Variants in LRCH4 observed in about 807,000 individuals in gnomAD.
LRCH4 encodes the protein leucine rich repeats and calponin homology domain containing 4.
A neutral mutation model predicts 81.2 loss-of-function variants in LRCH4; 56 were observed. The observed-to-expected ratio is 0.69, with a 90% CI of 0.56 to 0.86. LRCH4 has a LOEUF of 0.86. LRCH4 is among the 40% of genes least tolerant of loss of function. LRCH4 has a pLI of 0.00. For synonymous variants in LRCH4, 442 were observed against 409.7 expected (o/e 1.08, Z -0.95); for missense variants, 895 against 922.8 (o/e 0.97, Z 0.39).
rs763252413 is a variant in LRCH4, at chr7:100,577,020, A to G, written c.1365-15T>C. 1 of 1,613,666 alleles carries G rather than the reference A, an allele frequency of 6.2e-7. No individual in the cohort carries two copies. The highest frequency in any genetic ancestry group is 1.3e-5 in the African/African-American group (1 of 74,912). The stretch of plus-strand genomic sequence containing the variant: ...TAGGCGAGCCGCTGAGGAGAGACAG[A>G]AGGGAATTAGAGGGATGATGGTCAT... On this transcript the variant is annotated splice_polypyrimidine_tract_variant and intron_variant, in intron 12 of 17. Transcript: ENST00000310300. The surrounding 1 kb of genome is among the most constrained non-coding windows in gnomAD (Gnocchi z 6.7).
intron 4 of LRCH4, among the ~76,000 whole-genome samples, chr7:100,581,481 G>T (rs1037553101): frequency 6.6e-6 from 1 of 152,144 alleles, no homozygotes; most frequent in Non-Finnish European, 1.5e-5. Flanking sequence ...GATCATGAGG[G>T]TGGAGCCCTC....
Position 100,575,413 on chromosome 7 carries a change from C to T in LRCH4, c.1855-109G>A, listed in dbSNP as rs756240848. On this transcript the variant is annotated intron_variant, in intron 17 of 17. Coordinates refer to ENST00000310300, the MANE Select transcript of LRCH4 (RefSeq NM_002319.5). This position sits in a 1 kb window ranked among gnomAD's most constrained non-coding sequence, Gnocchi z 5.3. ...CACGTGCTGGGGCCAGAACCACGCC[C>T]ACATGCTGACGTGCTGGGCAGGGGG... The T allele has an allele frequency of 2.4e-5, 25 of 1,052,452 alleles. No individual in the cohort carries two copies. Among genetic ancestry groups the T allele is most frequent in the Non-Finnish European group, 7.0e-6 (5 of 713,372 alleles). 65.2% of individuals were successfully genotyped at this position (1,052,452 alleles called of 1,614,324 possible). A position where few individuals can be genotyped will look rare whatever the true frequency, so the allele number is the denominator to read the frequency against.
At chr7:100,576,572 G>T in intron 14 of LRCH4, 122 bp downstream of exon 14, 1 of 889,886 alleles carries the variant, frequency 1.1e-6, no homozygotes, top group Non-Finnish European at 1.7e-6. Flanking sequence ...CTTGCTTGTG[G>T]GATTTTCAAC....
rs963815486 is a variant in LRCH4, at chr7:100,583,889, C to T, written c.221-1430G>A. On this transcript the variant is annotated intron_variant, in intron 1 of 17. Transcript: ENST00000310300. The surrounding 1 kb of genome is among the most constrained non-coding windows in gnomAD (Gnocchi z 4.3). ...AGAGTTCTGATGGGGTAGGCGGTGG[C>T]GGGGACAAAAGCTAGGAGCGGAAGG... 6.8e-6 allele frequency: 2 copies of T among 292,698 alleles called. No individual in the cohort carries two copies. Among genetic ancestry groups the T allele is most frequent in the South Asian group, 5.7e-5 (2 of 34,936 alleles). 18.1% of individuals were successfully genotyped at this position (292,698 alleles called of 1,614,324 possible).
Position 100,582,528 on chromosome 7 carries a change from A to G in LRCH4, c.221-69T>C. 6.6e-7 allele frequency: 1 copy of G among 1,509,152 alleles called. No individual in the cohort carries two copies. The highest frequency in any genetic ancestry group is 8.9e-7 in the Non-Finnish European group (1 of 1,118,604). The allele number at this position is 1,509,152 out of a possible 1,614,324, so 93.5% of individuals were successfully genotyped here. On this transcript the variant is annotated intron_variant, in intron 1 of 17. Transcript: ENST00000310300. The surrounding 1 kb of genome is among the most constrained non-coding windows in gnomAD (Gnocchi z 5.0). ...CCCGGACAGGACCTTCAGTCCCCCC[A>G]GAGCCGGCTGCCCACTCCCTCACCT...
Position 100,576,016 on chromosome 7 carries a change from T to C in LRCH4, c.1639-8A>G, listed in dbSNP as rs778925170. 3.1e-6 allele frequency: 5 copies of C among 1,600,578 alleles called. 1 individual carries two copies. In the South Asian group the frequency reaches 3.3e-5, roughly 11 times the overall value. ...CAGCCGGGACTCAAGGACCTGGCAG[T>C]GTAGACCACATAGAGCAGGGGTCAG... On this transcript the variant is annotated splice_polypyrimidine_tract_variant and splice_region_variant and intron_variant, in intron 15 of 17. Coordinates refer to ENST00000310300, the MANE Select transcript of LRCH4 (RefSeq NM_002319.5).
chr7:100,581,896 G>A lies in LRCH4; in HGVS notation c.493-14C>T, dbSNP rs368553456. Reference sequence around the variant, plus strand: ...GCTGCTCACGTCCTGGTATCAGGAAGGCAGTGGGAAGGGGCCATGAGACCA... The same window carrying A: ...GCTGCTCACGTCCTGGTATCAGGAAAGCAGTGGGAAGGGGCCATGAGACCA... On this transcript the variant is annotated splice_polypyrimidine_tract_variant and intron_variant, in intron 3 of 17. Coordinates refer to ENST00000310300, the MANE Select transcript of LRCH4 (RefSeq NM_002319.5). 6 of 1,613,720 alleles carry A rather than the reference G, an allele frequency of 3.7e-6. No individual in the cohort carries two copies. Among genetic ancestry groups the A allele is most frequent in the African/African-American group, 1.3e-5 (1 of 74,920 alleles).
rs560798726 is a variant in LRCH4 at position 100,585,808 on chromosome 7, G to A, written c.220+73C>T. ...AGGTGAAGGGGCGGGCCCGACTCCC[G>A]GGCCGGGCGGGGCCCGGGGTGGGGC... On this transcript the variant is annotated intron_variant, in intron 1 of 17. Transcript: ENST00000310300. 9 of 1,423,208 alleles carry A rather than the reference G, an allele frequency of 6.3e-6. No individual in the cohort carries two copies. The Admixed American group carries it at 8.7e-5, about 14-fold the overall frequency. The allele number at this position is 1,423,208 out of a possible 1,614,324, so 88.2% of individuals were successfully genotyped here. A position where few individuals can be genotyped will look rare whatever the true frequency, so the allele number is the denominator to read the frequency against.
rs550860770 is a variant in LRCH4, at chr7:100,583,944, G to A, written c.221-1485C>T. On this transcript the variant is annotated intron_variant, in intron 1 of 17. Transcript: ENST00000310300. The surrounding 1 kb of genome is among the most constrained non-coding windows in gnomAD (Gnocchi z 4.3). The stretch of plus-strand genomic sequence containing the variant: ...TCAGGCAGGAGGCAGGGCACTGGGG[G>A]CACAGGATGTGGTCTGGGAGAGAAT... 5 of 331,010 alleles carry A rather than the reference G, an allele frequency of 1.5e-5. No individual in the cohort carries two copies. The highest frequency in any genetic ancestry group is 4.5e-5 in the South Asian group (2 of 44,218). The allele number at this position is 331,010 out of a possible 1,614,324, so 20.5% of individuals were successfully genotyped here.
At position 100,585,865 on chromosome 7, in the gene LRCH4, G is replaced by A. The variant is rs748365793; in HGVS notation, c.220+16C>T. On this transcript the variant is annotated intron_variant, in intron 1 of 17. Transcript: ENST00000310300. ...AATGAGGGACCCGGTTGGGCCCGGG[G>A]CCCGGCTGCACTCACCAGCCTGGGT... 3.3e-5 allele frequency: 52 copies of A among 1,559,786 alleles called. No homozygotes were observed. The highest frequency in any genetic ancestry group is 4.4e-5 in the Non-Finnish European group (51 of 1,148,248).
At chr7:100,576,869 G>C (rs779686206) in intron 13 of LRCH4, 33 bp downstream of exon 13, 26 of 1,537,414 alleles carry the variant, frequency 1.7e-5, no homozygotes, top group Non-Finnish European at 2.3e-5. Flanking sequence ...CACCAACACA[G>C]GCCCCATCCT....
At chr7:100,585,158 G>C (rs892070503) in intron 1 of LRCH4, 1 of 197,906 alleles carries the variant, frequency 5.1e-6, no homozygotes, top group African/African-American at 2.4e-5. Context: ...CCTCCCCCGG[G>C]GGAAAGCAGA....
rs575217856 is a variant in LRCH4, at chr7:100,583,720, A to G, written c.221-1261T>C. On this transcript the variant is annotated intron_variant, in intron 1 of 17. Transcript: ENST00000310300. The surrounding 1 kb of genome is among the most constrained non-coding windows in gnomAD (Gnocchi z 4.3). ...CTGCCCAGCCCTGGTGCACAGACAGAAGCCCTGGCCTCAGAGATGACCGTT... is the reference window on the plus strand; with the variant it reads ...CTGCCCAGCCCTGGTGCACAGACAGGAGCCCTGGCCTCAGAGATGACCGTT... Among the ~76,000 whole-genome samples, 1 of 152,308 alleles carries G rather than the reference A, an allele frequency of 6.6e-6. No individual in the cohort carries two copies. Among genetic ancestry groups the G allele is most frequent in the East Asian group, 1.9e-4 (1 of 5,178 alleles).
chr7:100,578,570 G>C lies in LRCH4; in HGVS notation c.736-59C>G. ...CAGGGAGGGCAGCTCCCCGGATCCT[G>C]CTCAGCTATCCAAGGGGACCAACCC... On this transcript the variant is annotated intron_variant, in intron 5 of 17. Transcript: ENST00000310300. This position sits in a 1 kb window ranked among gnomAD's most constrained non-coding sequence, Gnocchi z 5.7. The C allele has an allele frequency of 1.9e-6, 3 of 1,601,154 alleles. No homozygotes were observed. The highest frequency in any genetic ancestry group is 1.7e-6 in the Non-Finnish European group (2 of 1,171,912).
At position 100,574,762 on chromosome 7, in the gene LRCH4, C is replaced by A. The variant is rs988195208; in HGVS notation, c.*345G>T. ...CAAAATAGAGATAATTTAGCCCCCC[C>A]ATAGCAGCTGTTGGGGGGGGAAGGG... On this transcript the variant is annotated 3_prime_UTR_variant, in exon 18 of 18. Transcript: ENST00000310300. 5 of 271,706 alleles carry A rather than the reference C, an allele frequency of 1.8e-5. No homozygotes were observed. Among genetic ancestry groups the A allele is most frequent in the Middle Eastern group, 1.1e-3 (1 of 918 alleles). 16.8% of individuals were successfully genotyped at this position (271,706 alleles called of 1,614,324 possible). A position where few individuals can be genotyped will look rare whatever the true frequency, so the allele number is the denominator to read the frequency against.
chr7:100,574,213 G>C lies in LRCH4; in HGVS notation c.*894C>G, dbSNP rs754201608. ...CCCAGGCGCGTCTTCTGCTCCCGGG[G>C]TCCCGGGCGGGGTGGGCCCTGTGCC... On this transcript the variant is annotated 3_prime_UTR_variant, in exon 18 of 18. Coordinates refer to ENST00000310300, the MANE Select transcript of LRCH4 (RefSeq NM_002319.5). 9.1e-5 allele frequency: 16 copies of C among 175,744 alleles called. No individual in the cohort carries two copies. In the South Asian group the frequency reaches 1.3e-3, roughly 14 times the overall value. 10.9% of individuals were successfully genotyped at this position (175,744 alleles called of 1,614,324 possible).
chr7:100,574,021 G>A lies in LRCH4; in HGVS notation c.*1086C>T, dbSNP rs1480947735. On this transcript the variant is annotated 3_prime_UTR_variant, in exon 18 of 18. Coordinates refer to ENST00000310300, the MANE Select transcript of LRCH4 (RefSeq NM_002319.5). ...TGCTCTCAGACACAGTTACACCTGA[G>A]GGCCACCCAGAGGGCTTCTGGCTTC... is the stretch of plus-strand genomic sequence containing the variant. 5.9e-6 allele frequency: 1 copy of A among 170,318 alleles called. No individual in the cohort carries two copies. The highest frequency in any genetic ancestry group is 1.3e-5 in the Non-Finnish European group (1 of 79,182). 10.6% of individuals were successfully genotyped at this position (170,318 alleles called of 1,614,324 possible).
rs1368223742 is a variant in LRCH4 at position 100,575,220 on chromosome 7, C to T, written c.1939G>A (p.Gly647Ser). The T allele has an allele frequency of 6.2e-7, 1 of 1,608,962 alleles. No homozygotes were observed. ...TALEAVKRVG[G>S]KALPPLWPPS... is the part of the protein sequence containing the mutation. ...GGCCAGAGGGGCGGTAGGGCCTTGCCCCCCACCCGCTTCACGGCCTCCAGC... is the reference window on the plus strand; with the variant it reads ...GGCCAGAGGGGCGGTAGGGCCTTGCTCCCCACCCGCTTCACGGCCTCCAGC... The change falls in exon 18 of 18, where the codon GGC becomes AGC. Residue 647 changes from glycine (G) to serine (S), a missense_variant. Physicochemically the swap from Gly to Ser is moderately conservative, Grantham distance 56. Around this residue, in one of 3 missense-constraint regions of LRCH4, gnomAD observed 529 missense variants for 504.9 expected, o/e 1.05. Transcript: ENST00000310300. This position sits in a 1 kb window ranked among gnomAD's most constrained non-coding sequence, Gnocchi z 5.3.
Position 100,575,617 on chromosome 7 carries a change from C to T in LRCH4, c.1854+88G>A, listed in dbSNP as rs1230839472. ...GCCTGTGCCTTCATCTGAGAGCAGACATCCGCTGCAAATGGAAGCCCACCA... is the reference window on the plus strand; with the variant it reads ...GCCTGTGCCTTCATCTGAGAGCAGATATCCGCTGCAAATGGAAGCCCACCA... On this transcript the variant is annotated intron_variant, in intron 17 of 17. Transcript: ENST00000310300. The surrounding 1 kb of genome is among the most constrained non-coding windows in gnomAD (Gnocchi z 5.3). 2.7e-6 allele frequency: 4 copies of T among 1,476,234 alleles called. No homozygotes were observed. In the Admixed American group the frequency reaches 5.0e-5, roughly 18 times the overall value. The allele number at this position is 1,476,234 out of a possible 1,614,324, so 91.4% of individuals were successfully genotyped here.
Sources: gnomAD v4.1 joint callset for allele counts (sites outside exome capture counted in the v4.1 genomes callset) on GRCh38, gnomAD v4.1.1 for gene constraint, gnomAD v4.1.1 regional missense constraint, Gnocchi (gnomAD v3.1) non-coding constraint, MANE v1.5 for transcripts, NCBI Gene and HGNC (gene_info 2026-07-23, HGNC 2026-07-21) for gene names.